Variants in KATNA1 observed in about 807,000 individuals in gnomAD.
KATNA1 encodes the protein katanin catalytic subunit A1, also known as katanin p60 ATPase-containing subunit A1.
In KATNA1, 42 loss-of-function variants were observed where a neutral mutation model predicts 62.6. The observed-to-expected ratio is 0.67, with a 90% CI of 0.52 to 0.87. The LOEUF is 0.87. Among genes scored for constraint, KATNA1 ranks in the 40% least tolerant of loss-of-function variants. The pLI, the probability that KATNA1 is intolerant of heterozygous loss-of-function variation, is 0.00. For synonymous variants in KATNA1, 186 were observed against 201.9 expected (o/e 0.92, Z 0.67); for missense variants, 498 against 612.5 (o/e 0.81, Z 1.97).
intron 4 of KATNA1, among the ~76,000 whole-genome samples, chr6:149,605,190 A>G (rs943343731): frequency 1.3e-5 from 2 of 151,950 alleles, no homozygotes; most frequent in Non-Finnish European, 2.9e-5. Context: ...AAAAAGGCTA[A>G]TAATAATAAT....
At chr6:149,646,587 A>AT (rs967543174) in intron 1 of KATNA1, among the ~76,000 whole-genome samples, 42 of 152,286 alleles carry the variant, frequency 2.8e-4, no homozygotes, top group African/African-American at 9.4e-4. Context: ...CATGGCATAC[A>AT]TTTTTCTTAC....
At chr6:149,618,249 G>A (rs1454317504) in intron 4 of KATNA1, among the ~76,000 whole-genome samples, 3 of 151,356 alleles carry the variant, frequency 2.0e-5, no homozygotes, top group African/African-American at 2.4e-5. Flanking sequence ...AGGTTGAGAC[G>A]GGCGGATCAC....
chr6:149,618,833 ATAAAT>A (rs1779281896), intron 4 of KATNA1, among the ~76,000 whole-genome samples: 1 of 152,220 alleles, frequency 6.6e-6, no homozygotes, highest in Non-Finnish European at 1.5e-5. Context: ...CCAACTCAAA[ATAAAT>A]TAAAGATATA....
At chr6:149,602,551 A>G (rs1051261510) in intron 6 of KATNA1, among the ~76,000 whole-genome samples, 1 of 152,020 alleles carries the variant, frequency 6.6e-6, no homozygotes, top group African/African-American at 2.4e-5. Flanking sequence ...TCAGCCCATG[A>G]CTTTAAAAAG....
intron 1 of KATNA1, among the ~76,000 whole-genome samples, chr6:149,644,287 A>G (rs892477958): frequency 6.6e-6 from 1 of 151,902 alleles, no homozygotes; most frequent in African/African-American, 2.4e-5. Context: ...TTTCCTTAAT[A>G]GTCTCCCTGG....
chr6:149,602,968 G>A (rs186989685), intron 6 of KATNA1, among the ~76,000 whole-genome samples: 102 of 152,186 alleles, frequency 6.7e-4, no homozygotes, highest in African/African-American at 2.4e-3. Flanking sequence ...TGATCCGCCC[G>A]CCTCGGCCTC....
chr6:149,601,563 A>G, intron 7 of KATNA1, 31 bp downstream of exon 7: 1 of 1,561,532 alleles, frequency 6.4e-7, no homozygotes, highest in Non-Finnish European at 8.7e-7. Flanking sequence ...TAGAGAGGTA[A>G]AGAATCATTA....
rs1046878232 is a variant in KATNA1 at position 149,603,607 on chromosome 6, C to T, written c.624-234G>A. On this transcript the variant is annotated intron_variant, in intron 5 of 10. Coordinates refer to ENST00000367411, the MANE Select transcript of KATNA1 (RefSeq NM_007044.4). ...GGTTGACAGTTTTTAGCCTGGATCACGAGAACATAGTCTACAGGCACACTC... is the reference window on the plus strand; with the variant it reads ...GGTTGACAGTTTTTAGCCTGGATCATGAGAACATAGTCTACAGGCACACTC... Among the ~76,000 whole-genome samples the T allele has an allele frequency of 5.3e-5, 8 of 152,092 alleles. No homozygotes were observed. In the South Asian group the frequency reaches 6.2e-4, roughly 12 times the overall value.
chr6:149,639,348 C>T (rs557454142), intron 1 of KATNA1, among the ~76,000 whole-genome samples: 1 of 151,860 alleles, frequency 6.6e-6, no homozygotes, highest in Admixed American at 6.6e-5. Context: ...CACCTGTAAT[C>T]CCAACACTTT....
chr6:149,604,116 AAAAG>A (rs1355318622), intron 5 of KATNA1, among the ~76,000 whole-genome samples: 5 of 152,314 alleles, frequency 3.3e-5, no homozygotes, highest in Admixed American at 3.3e-4. Context: ...CCACTGCTCT[AAAAG>A]AAAATAAAAG....
chr6:149,597,756 C>T, intron 8 of KATNA1, 115 bp from the exon 9 acceptor site: 1 of 939,678 alleles, frequency 1.1e-6, no homozygotes, highest in Non-Finnish European at 1.6e-6. Flanking sequence ...GAAGCACAGT[C>T]TTAATGCCTC....
intron 7 of KATNA1, among the ~76,000 whole-genome samples, chr6:149,601,313 A>G (rs1382152705): frequency 6.6e-6 from 1 of 152,236 alleles, no homozygotes; most frequent in Non-Finnish European, 1.5e-5. Flanking sequence ...ATTGATTTAA[A>G]AAACATAATT....
intron 1 of KATNA1, among the ~76,000 whole-genome samples, chr6:149,647,623 G>T (rs1780540748): frequency 1.3e-5 from 2 of 148,588 alleles, no homozygotes. Flanking sequence ...AACATTTCAA[G>T]AATCTGTCTT....
At chr6:149,595,586 C>T (rs570811498) in intron 10 of KATNA1, among the ~76,000 whole-genome samples, 56 of 151,558 alleles carry the variant, frequency 3.7e-4, no homozygotes, top group African/African-American at 1.3e-3. Flanking sequence ...AAACTGTTAA[C>T]AAGAAAATTA....
chr6:149,632,775 C>G lies in KATNA1; in HGVS notation c.304G>C (p.Val102Leu), dbSNP rs375960214. ...TCCACTTACCTTCGTTCAACAGGTA[C>G]AGGCATGGACCAGACTTCTCCCTCA... is the stretch of plus-strand genomic sequence containing the variant. ...ASEGEVWSMP[V>L]PVERRPSPGP... is the part of the protein sequence containing the mutation. The change falls in exon 3 of 11, where the codon GTA (valine) becomes CTA (leucine). Residue 102 changes from valine (V) to leucine (L), a missense_variant. Val to Leu is a conservative substitution (Grantham distance 32). This residue lies in a region of KATNA1 where 203 missense variants were observed against 198.4 expected (regional missense o/e 1.02). Transcript: ENST00000367411. 12 of 1,610,236 alleles carry G rather than the reference C, an allele frequency of 7.5e-6. No individual in the cohort carries two copies. The highest frequency in any genetic ancestry group is 9.3e-6 in the Non-Finnish European group (11 of 1,179,056).
intron 1 of KATNA1, among the ~76,000 whole-genome samples, chr6:149,639,696 A>G (rs1016704203): frequency 3.3e-5 from 5 of 152,202 alleles, no homozygotes; most frequent in African/African-American, 1.2e-4. Context: ...CTCAGATGGC[A>G]GTTTTCCTAG....
At chr6:149,640,093 A>G (rs1780223687) in intron 1 of KATNA1, among the ~76,000 whole-genome samples, 1 of 152,248 alleles carries the variant, frequency 6.6e-6, no homozygotes, top group South Asian at 2.1e-4. Context: ...TGGAACTGCC[A>G]TAGCAACTAC....
chr6:149,623,191 CG>C lies in KATNA1; in HGVS notation c.412del (p.Arg138ValfsTer37). ...NRPSTTVRVHRSSAQNVHNDR... is the reference protein window; with the variant it reads ...NRPSTTVRVHXSSAQNVHNDR... ...ATTGTGAACATTCTGTGCAGATGAA[CG>C]GTGAACTCTGACAGTTGTACTTGGA... On this transcript the variant is annotated frameshift_variant, in exon 4 of 11. Transcript: ENST00000367411. LOFTEE classifies it high-confidence loss of function. The C allele has an allele frequency of 6.2e-7, 1 of 1,613,544 alleles. No homozygotes were observed. Among genetic ancestry groups the C allele is most frequent in the Non-Finnish European group, 8.5e-7 (1 of 1,179,618 alleles).
chr6:149,634,491 T>C (rs1037568437), intron 2 of KATNA1, among the ~76,000 whole-genome samples: 1 of 151,998 alleles, frequency 6.6e-6, no homozygotes, highest in Non-Finnish European at 1.5e-5. Context: ...TGTGAAAGTT[T>C]CATTTTTGTC....
Sources: gnomAD v4.1 joint callset for allele counts (sites outside exome capture counted in the v4.1 genomes callset) on GRCh38, gnomAD v4.1.1 for gene constraint, gnomAD v4.1.1 regional missense constraint, MANE v1.5 for transcripts, NCBI Gene and HGNC (gene_info 2026-07-23, HGNC 2026-07-21) for gene names.